GRIK2: variants seen among roughly 807,000 people sequenced by gnomAD.
The protein encoded by GRIK2 is glutamate ionotropic receptor kainate type subunit 2.
GRIK2 carries 32 observed loss-of-function variants against 100.3 expected under a neutral mutation model. That is an observed-to-expected ratio of 0.32 (90% CI 0.24 to 0.43). The LOEUF (loss-of-function observed/expected upper bound fraction) is 0.43, where lower values mean the gene tolerates loss of function less well. Among genes scored for constraint, GRIK2 ranks in the 20% least tolerant of loss-of-function variants. GRIK2 has a pLI of 1.00. For synonymous variants in GRIK2, 417 were observed against 389.4 expected (o/e 1.07, Z -0.83); for missense variants, 843 against 1,114.9 (o/e 0.76, Z 3.47).
chr6:101,677,500 G>A (rs552252010), intron 5 of GRIK2, among the ~76,000 whole-genome samples: 1 of 152,098 alleles, frequency 6.6e-6, no homozygotes, highest in Admixed American at 6.6e-5. Flanking sequence ...TATTATGTCA[G>A]CATTATTCAG....
intron 2 of GRIK2, among the ~76,000 whole-genome samples, chr6:101,568,996 C>G (rs1280861196): frequency 6.6e-6 from 1 of 151,934 alleles, no homozygotes; most frequent in African/African-American, 2.4e-5. Context: ...GAGGCAATTA[C>G]AAAGACAAGG....
At chr6:101,400,122 G>T (rs1267707582) in intron 2 of GRIK2, among the ~76,000 whole-genome samples, 1 of 144,198 alleles carries the variant, frequency 6.9e-6, no homozygotes, top group East Asian at 2.0e-4. Flanking sequence ...ACTAATTAAT[G>T]AAGGATAGTA....
At chr6:101,605,293 C>CTT (rs1391895527) in intron 2 of GRIK2, among the ~76,000 whole-genome samples, 1 of 151,956 alleles carries the variant, frequency 6.6e-6, no homozygotes, top group Non-Finnish European at 1.5e-5. Flanking sequence ...AGTACTGATA[C>CTT]TTTCCTTACC....
intron 2 of GRIK2, among the ~76,000 whole-genome samples, chr6:101,400,563 A>G (rs75504045): frequency 0.033 from 5,080 of 152,334 alleles, 144 homozygotes; most frequent in East Asian, 0.15. Context: ...TGTCTTTGAG[A>G]TAAAAGCAGA....
At chr6:101,734,317 A>G (rs753667238) in intron 7 of GRIK2, among the ~76,000 whole-genome samples, 24 of 152,204 alleles carry the variant, frequency 1.6e-4, no homozygotes, top group Non-Finnish European at 2.6e-4. Context: ...CTCAAAACCT[A>G]AAAAGAGACA....
intron 2 of GRIK2, among the ~76,000 whole-genome samples, chr6:101,458,843 A>T (rs1419717831): frequency 6.6e-6 from 1 of 152,132 alleles, no homozygotes; most frequent in Non-Finnish European, 1.5e-5. Context: ...GAGGCCAAAG[A>T]TTTCTTGATT....
chr6:101,712,495 T>C lies in GRIK2; in HGVS notation c.951+26142T>C, dbSNP rs1335092166. Among the ~76,000 whole-genome samples, 3 of 151,982 alleles carry C rather than the reference T, an allele frequency of 2.0e-5. No homozygotes were observed. The South Asian group carries it at 6.2e-4, about 31-fold the overall frequency. On this transcript the variant is annotated intron_variant, in intron 7 of 16. Coordinates refer to ENST00000369134, the MANE Select transcript of GRIK2 (RefSeq NM_021956.5). ...ATTAACTTTGTCATAAAATGTCGAA[T>C]ATTCATTAGTGTATTTATACATGTA...
intron 4 of GRIK2, among the ~76,000 whole-genome samples, chr6:101,666,004 T>C (rs1770004281): frequency 6.6e-6 from 1 of 152,120 alleles, no homozygotes; most frequent in Non-Finnish European, 1.5e-5. Flanking sequence ...TTAGGCACCC[T>C]GAAGGCCACC....
At chr6:101,425,657 A>G (rs1832413) in intron 2 of GRIK2, among the ~76,000 whole-genome samples, 105,918 of 152,074 alleles carry the variant, frequency 0.7, 37,137 homozygotes, top group East Asian at 0.92. Flanking sequence ...TTTTCTTGCA[A>G]TCAACTCATG....
intron 2 of GRIK2, among the ~76,000 whole-genome samples, chr6:101,474,033 C>T (rs1772093122): frequency 6.6e-6 from 1 of 151,758 alleles, no homozygotes; most frequent in African/African-American, 2.4e-5. Flanking sequence ...AGCCTCCTCT[C>T]CCATACACTG....
chr6:101,821,052 CAAATT>C (rs1233475413), intron 10 of GRIK2, among the ~76,000 whole-genome samples: 3 of 152,004 alleles, frequency 2.0e-5, no homozygotes, highest in African/African-American at 7.2e-5. Flanking sequence ...AAATATTTGT[CAAATT>C]AAATTAAATA....
At chr6:101,986,918 T>C (rs1794043738) in intron 14 of GRIK2, among the ~76,000 whole-genome samples, 1 of 151,884 alleles carries the variant, frequency 6.6e-6, no homozygotes. Context: ...GCCAGGAGGA[T>C]TGCTTGAGGC....
intron 7 of GRIK2, among the ~76,000 whole-genome samples, chr6:101,700,837 AAGGACTGGTATAG>A (rs1772841677): frequency 6.6e-6 from 1 of 152,100 alleles, no homozygotes; most frequent in South Asian, 2.1e-4. Flanking sequence ...CTGAGTTAAT[AAGGACTGGTATAG>A]AGCCCAGGGG....
At position 102,068,539 on chromosome 6, in the gene GRIK2, A is replaced by G; in HGVS notation, c.*28A>G. 3 of 1,599,028 alleles carry G rather than the reference A, an allele frequency of 1.9e-6. No homozygotes were observed. Among genetic ancestry groups the G allele is most frequent in the South Asian group, 1.1e-5 (1 of 89,942 alleles). ...CTGGGAGGCCAAACACCCAAGCACA[A>G]ACTGTCGTCTTTTTCCAAACAATTT... is the stretch of plus-strand genomic sequence containing the variant. On this transcript the variant is annotated 3_prime_UTR_variant, in exon 17 of 17. Transcript: ENST00000369134.
intron 7 of GRIK2, among the ~76,000 whole-genome samples, chr6:101,790,905 G>A (rs944964353): frequency 6.6e-6 from 1 of 152,032 alleles, no homozygotes; most frequent in Non-Finnish European, 1.5e-5. Flanking sequence ...GGTCTATTCA[G>A]AGATTCAACT....
At chr6:101,749,803 C>CT (rs989554915) in intron 7 of GRIK2, among the ~76,000 whole-genome samples, 2,391 of 92,536 alleles carry the variant, frequency 0.026, 95 homozygotes, top group African/African-American at 0.051. Flanking sequence ...GTGCCAGTTT[C>CT]TTTTTTTTTT....
At chr6:101,509,849 A>G (rs926811892) in intron 2 of GRIK2, among the ~76,000 whole-genome samples, 1 of 152,164 alleles carries the variant, frequency 6.6e-6, no homozygotes, top group Non-Finnish European at 1.5e-5. Flanking sequence ...GACTGTAGAA[A>G]TGTCACTATT....
chr6:101,685,834 A>T (rs2128343748), intron 6 of GRIK2, among the ~76,000 whole-genome samples: 1 of 152,276 alleles, frequency 6.6e-6, no homozygotes, highest in Non-Finnish European at 1.5e-5. Flanking sequence ...AGGACACAGA[A>T]AAAATTAAAG....
At chr6:101,984,142 A>G (rs1041727173) in intron 14 of GRIK2, among the ~76,000 whole-genome samples, 11 of 151,766 alleles carry the variant, frequency 7.2e-5, no homozygotes, top group African/African-American at 2.7e-4. Context: ...TAAAATAATT[A>G]AAAATTCTCA....
Sources: gnomAD v4.1 joint callset for allele counts (sites outside exome capture counted in the v4.1 genomes callset) on GRCh38, gnomAD v4.1.1 for gene constraint, MANE v1.5 for transcripts, NCBI Gene and HGNC (gene_info 2026-07-23, HGNC 2026-07-21) for gene names.